The following PTPRT variants were observed in gnomAD, a reference collection of about 807,000 sequenced individuals.
PTPRT encodes protein tyrosine phosphatase receptor type T.
In PTPRT, 56 loss-of-function variants were observed where a neutral mutation model predicts 176.8. The observed-to-expected ratio is 0.32, with a 90% CI of 0.26 to 0.40. The LOEUF (loss-of-function observed/expected upper bound fraction) is 0.40, where lower values mean the gene tolerates loss of function less well. Among genes scored for constraint, PTPRT ranks in the 10% least tolerant of loss-of-function variants. The pLI, the probability that PTPRT is intolerant of heterozygous loss-of-function variation, is 1.00. For synonymous variants in PTPRT, 783 were observed against 739.0 expected (o/e 1.06, Z -0.96); for missense variants, 1,540 against 1,908.2 (o/e 0.81, Z 3.60).
At chr20:43,026,083 C>T (rs1402494111) in intron 1 of PTPRT, among the ~76,000 whole-genome samples, 3 of 152,034 alleles carry the variant, frequency 2.0e-5, no homozygotes, top group African/African-American at 7.2e-5. Flanking sequence ...CCCCTAGTGC[C>T]TCAGGATGAC....
At chr20:42,731,179 T>C (rs891023482) in intron 6 of PTPRT, among the ~76,000 whole-genome samples, 1 of 152,174 alleles carries the variant, frequency 6.6e-6, no homozygotes, top group Admixed American at 6.5e-5. Context: ...ACCAGATTCC[T>C]CTATGGTTCC....
intron 3 of PTPRT, among the ~76,000 whole-genome samples, chr20:42,781,054 T>G (rs1309981997): frequency 6.6e-6 from 1 of 152,114 alleles, no homozygotes; most frequent in Non-Finnish European, 1.5e-5. Flanking sequence ...GAAATTCCAT[T>G]TTCCCATACT....
rs2146064503 is a variant in PTPRT, at chr20:42,677,901, G to C, written c.1118C>G (p.Pro373Arg). 1 of 1,613,956 alleles carries C rather than the reference G, an allele frequency of 6.2e-7. No homozygotes were observed. Among genetic ancestry groups the C allele is most frequent in the South Asian group, 1.1e-5 (1 of 91,078 alleles). ...GGTCCTGGTGGTGAGGGGAGGCCCT[G>C]GCGGTCCCGTACCCCCCTCACCTGG... ...TRPGEGGTGP[P>R]GPPLTTRTKC... The change falls in exon 7 of 31, where the codon CCA (proline) becomes CGA (arginine). Residue 373 changes from proline (P) to arginine (R), a missense_variant. By Grantham distance (103) the Pro-to-Arg change is moderately radical. Around this residue, in one of 11 missense-constraint regions of PTPRT, gnomAD observed 273 missense variants for 432.1 expected, o/e 0.63. Transcript: ENST00000373187.
At chr20:42,439,630 A>C (rs1354720154) in intron 9 of PTPRT, among the ~76,000 whole-genome samples, 2 of 152,188 alleles carry the variant, frequency 1.3e-5, no homozygotes. Context: ...GACTGGGTTT[A>C]TTTAGAAGGT....
intron 1 of PTPRT, among the ~76,000 whole-genome samples, chr20:43,046,979 G>C (rs1986863246): frequency 6.6e-6 from 1 of 152,072 alleles, no homozygotes; most frequent in Admixed American, 6.5e-5. Context: ...TAATTCTTCG[G>C]CAATTATTCA....
At chr20:42,510,608 C>A (rs377058162) in intron 7 of PTPRT, among the ~76,000 whole-genome samples, 6 of 152,088 alleles carry the variant, frequency 3.9e-5, no homozygotes, top group Middle Eastern at 3.4e-3. Context: ...GTAAAACAAC[C>A]TTTCCCATTA....
intron 2 of PTPRT, among the ~76,000 whole-genome samples, chr20:42,818,084 G>T (rs2077821186): frequency 6.6e-6 from 1 of 152,104 alleles, no homozygotes; most frequent in Non-Finnish European, 1.5e-5. Context: ...TCCAACAGGG[G>T]TTGTCAGATA....
chr20:42,348,826 T>C (rs1426355666), intron 11 of PTPRT, among the ~76,000 whole-genome samples: 3 of 152,144 alleles, frequency 2.0e-5, no homozygotes, highest in Non-Finnish European at 2.9e-5. Flanking sequence ...AGTTGCGCTA[T>C]TCCTTTGCAC....
At chr20:43,106,830 G>C (rs2012636443) in intron 1 of PTPRT, among the ~76,000 whole-genome samples, 1 of 151,640 alleles carries the variant, frequency 6.6e-6, no homozygotes, top group Non-Finnish European at 1.5e-5. Context: ...CGCTCTTGTT[G>C]CCTAGGCTAG....
chr20:42,292,338 T>C (rs973441208), intron 12 of PTPRT, among the ~76,000 whole-genome samples: 1 of 152,108 alleles, frequency 6.6e-6, no homozygotes, highest in Admixed American at 6.6e-5. Context: ...TCCTCTTTTC[T>C]TTTTTCTTTT....
intron 2 of PTPRT, among the ~76,000 whole-genome samples, chr20:42,801,209 T>TAGTA (rs554650021): frequency 8.3e-4 from 127 of 152,322 alleles, no homozygotes; most frequent in Middle Eastern, 3.4e-3. Context: ...TGCTCTTCAC[T>TAGTA]AGTAGCCCAT....
Position 42,199,295 on chromosome 20 carries a change from G to A in PTPRT, c.2436C>T (p.Ser812=), listed in dbSNP as rs145661499. 1.8e-5 allele frequency: 29 copies of A among 1,614,192 alleles called. No homozygotes were observed. Among genetic ancestry groups the A allele is most frequent in the African/African-American group, 4.0e-5 (3 of 75,066 alleles). ...ASADKPTTKL[S]ASRNDEGFSS... The stretch of plus-strand genomic sequence containing the variant: ...AGAAGCCTTCATCATTGCGGCTGGC[G>A]CTGAGCTTGGTGGTGGGTTTGTCGG... Residue 812 remains serine (S), a synonymous_variant, in exon 16 of 31, where the codon AGC becomes AGT. Coordinates refer to ENST00000373187, the MANE Select transcript of PTPRT (RefSeq NM_007050.6).
the PTPRT span, among the ~76,000 whole-genome samples, chr20:42,045,655 C>CTT: frequency 3.4e-4 from 50 of 148,546 alleles, no homozygotes; most frequent in African/African-American, 5.9e-4. Context: ...GTGGAAAGTC[C>CTT]TTTTTTTTTT....
At chr20:42,804,749 A>T (rs753756476) in intron 2 of PTPRT, among the ~76,000 whole-genome samples, 1 of 152,138 alleles carries the variant, frequency 6.6e-6, no homozygotes, top group Non-Finnish European at 1.5e-5. Context: ...TTTGCTGGCG[A>T]TCTTTGGCAT....
chr20:42,763,711 T>C (rs539670155), intron 5 of PTPRT, among the ~76,000 whole-genome samples: 1 of 152,350 alleles, frequency 6.6e-6, no homozygotes, highest in African/African-American at 2.4e-5. Flanking sequence ...TTGTACCTTT[T>C]TGGCAGTCTC....
chr20:42,149,626 G>T (rs1989034271), intron 17 of PTPRT, among the ~76,000 whole-genome samples: 1 of 152,030 alleles, frequency 6.6e-6, no homozygotes, highest in South Asian at 2.1e-4. Flanking sequence ...GTTTCTCCAT[G>T]TTGGTCAAGC....
intron 1 of PTPRT, among the ~76,000 whole-genome samples, chr20:42,973,039 G>T (rs1017479163): frequency 3.9e-5 from 6 of 151,954 alleles, no homozygotes; most frequent in Admixed American, 3.9e-4. Flanking sequence ...AATACATGAA[G>T]GGTGTGGGGA....
intron 1 of PTPRT, among the ~76,000 whole-genome samples, chr20:42,998,239 AC>A (rs1984338076): frequency 6.6e-6 from 1 of 152,106 alleles, no homozygotes; most frequent in African/African-American, 2.4e-5. Flanking sequence ...TCAGAGAAAA[AC>A]AATTCTAGCT....
rs530850862 is a variant in PTPRT at position 42,076,928 on chromosome 20, C to G, written c.*3951G>C. ...TAGTCTCTTCTGTTATGGGTAACCT[C>G]CTGGGAAAAATGTGAGATACAATGG... On this transcript the variant is annotated 3_prime_UTR_variant, in exon 31 of 31. Transcript: ENST00000373187. The G allele has an allele frequency of 1.0e-5, 2 of 196,758 alleles. No homozygotes were observed. The highest frequency in any genetic ancestry group is 1.6e-4 in the East Asian group (2 of 12,572). 12.2% of individuals were successfully genotyped at this position (196,758 alleles called of 1,614,324 possible). A position where few individuals can be genotyped will look rare whatever the true frequency, so the allele number is the denominator to read the frequency against.
Sources: gnomAD v4.1 joint callset for allele counts (sites outside exome capture counted in the v4.1 genomes callset) on GRCh38, gnomAD v4.1.1 for gene constraint, gnomAD v4.1.1 regional missense constraint, MANE v1.5 for transcripts, NCBI Gene and HGNC (gene_info 2026-07-23, HGNC 2026-07-21) for gene names.